Variants in COMMD1 observed in about 807,000 individuals in gnomAD.
COMMD1 encodes the protein COMM domain-containing protein 1.
In COMMD1, 10 loss-of-function variants were observed where a neutral mutation model predicts 17.2. That is an observed-to-expected ratio of 0.58 (90% confidence interval 0.36 to 0.99). The LOEUF is 0.99. Ranked by LOEUF, COMMD1 falls within the 50% of genes least tolerant of loss-of-function variation. COMMD1 has a pLI of 0.01. For missense variants in COMMD1, 270 were observed against 231.8 expected (o/e 1.17, Z -1.07); for synonymous variants, 97 against 91.6 (o/e 1.06, Z -0.34).
upstream of COMMD1, among the ~76,000 whole-genome samples, chr2:61,902,335 GTC>G (rs570156484): frequency 2.6e-5 from 4 of 151,616 alleles, no homozygotes; most frequent in South Asian, 4.2e-4. Context: ...GTGAAACCTT[GTC>G]TCTACTAAAA....
intron 2 of COMMD1, among the ~76,000 whole-genome samples, chr2:62,002,472 C>T (rs1379758899): frequency 1.0e-5 from 1 of 99,590 alleles, no homozygotes; most frequent in African/African-American, 3.9e-5. Context: ...GCCTGGGTGA[C>T]AAGAGCGAGA....
intron 2 of COMMD1, among the ~76,000 whole-genome samples, chr2:62,020,597 T>G (rs1669584280): frequency 6.6e-6 from 1 of 152,254 alleles, no homozygotes; most frequent in Non-Finnish European, 1.5e-5. Flanking sequence ...TGTTAATATT[T>G]GGGCTCACTT....
At chr2:61,944,191 C>T (rs1558530554) in intron 1 of COMMD1, among the ~76,000 whole-genome samples, 1 of 152,128 alleles carries the variant, frequency 6.6e-6, no homozygotes, top group South Asian at 2.1e-4. Flanking sequence ...GTGGCTTATG[C>T]CTATAATCCT....
At chr2:62,048,119 T>C (rs975974419) in intron 2 of COMMD1, among the ~76,000 whole-genome samples, 1 of 151,962 alleles carries the variant, frequency 6.6e-6, no homozygotes, top group Non-Finnish European at 1.5e-5. Context: ...CCATCCAAGC[T>C]GCCCAGTTGA....
intron 1 of COMMD1, among the ~76,000 whole-genome samples, chr2:61,983,144 C>CT (rs1242627518): frequency 6.6e-6 from 1 of 150,662 alleles, no homozygotes; most frequent in Non-Finnish European, 1.5e-5. Context: ...CAGCAAAGCC[C>CT]TGAGGTCCTG....
chr2:62,030,261 G>T (rs1169146576), intron 2 of COMMD1, among the ~76,000 whole-genome samples: 1 of 152,150 alleles, frequency 6.6e-6, no homozygotes, highest in Non-Finnish European at 1.5e-5. Flanking sequence ...CTTTCTGGTT[G>T]GTTTTTGAGG....
chr2:62,025,612 A>G (rs1271318063), intron 2 of COMMD1, among the ~76,000 whole-genome samples: 2 of 152,224 alleles, frequency 1.3e-5, no homozygotes, highest in African/African-American at 4.8e-5. Flanking sequence ...TAATAAAAAA[A>G]TACTAATGTC....
intron 1 of COMMD1, among the ~76,000 whole-genome samples, chr2:61,986,927 A>G (rs1558549690): frequency 1.3e-5 from 2 of 152,004 alleles, no homozygotes; most frequent in South Asian, 2.1e-4. Flanking sequence ...CTTCAAGCTC[A>G]CTAATTCTTT....
chr2:61,985,014 A>C (rs1285291338), intron 1 of COMMD1, among the ~76,000 whole-genome samples: 2 of 138,040 alleles, frequency 1.4e-5, no homozygotes, highest in South Asian at 2.3e-4. Flanking sequence ...ATCTTTTCCT[A>C]TTCCTTTATT....
chr2:62,096,282 G>A (rs1194990561), intron 2 of COMMD1, among the ~76,000 whole-genome samples: 1 of 152,156 alleles, frequency 6.6e-6, no homozygotes, highest in African/African-American at 2.4e-5. Context: ...AAAACTAAGA[G>A]GGAAGAGAAA....
chr2:61,898,667 TA>T (rs1227726179), intron 1 of COMMD1, among the ~76,000 whole-genome samples: 3 of 152,060 alleles, frequency 2.0e-5, no homozygotes, highest in Non-Finnish European at 2.9e-5. Flanking sequence ...AAAACCTCAT[TA>T]AAAAAACACC....
At chr2:62,076,500 A>G (rs1671339773) in intron 2 of COMMD1, among the ~76,000 whole-genome samples, 1 of 152,246 alleles carries the variant, frequency 6.6e-6, no homozygotes. Flanking sequence ...TAATCCCAAC[A>G]CTTTAGGAGG....
intron 1 of COMMD1, among the ~76,000 whole-genome samples, chr2:61,897,755 AAAAT>A (rs1669579859): frequency 6.6e-6 from 1 of 152,156 alleles, no homozygotes; most frequent in African/African-American, 2.4e-5. Context: ...GTCTTTAAAA[AAAAT>A]ATATATATAT....
intron 2 of COMMD1, among the ~76,000 whole-genome samples, chr2:62,079,558 G>T (rs1671458857): frequency 6.6e-6 from 1 of 152,244 alleles, no homozygotes; most frequent in African/African-American, 2.4e-5. Flanking sequence ...CATTTTCCTT[G>T]CCCTCACTCA....
chr2:62,070,547 C>G (rs938751542), intron 2 of COMMD1, among the ~76,000 whole-genome samples: 3 of 35,804 alleles, frequency 8.4e-5, no homozygotes, highest in Non-Finnish European at 1.3e-4. Flanking sequence ...GACCCTGTCT[C>G]TAAAAAAAAA....
intron 1 of COMMD1, among the ~76,000 whole-genome samples, chr2:61,983,390 C>T (rs192075952): frequency 5.5e-4 from 83 of 152,128 alleles, no homozygotes; most frequent in African/African-American, 1.9e-3. Context: ...TGGGGTTTAC[C>T]GTGTTAGCCA....
chr2:61,940,831 C>A (rs13418080), intron 1 of COMMD1, among the ~76,000 whole-genome samples: 17,383 of 151,300 alleles, frequency 0.11, 2,362 homozygotes, highest in African/African-American at 0.33. Flanking sequence ...GGACTACAGG[C>A]GCCTGCCACC....
intron 2 of COMMD1, among the ~76,000 whole-genome samples, chr2:62,096,871 C>G (rs1369515329): frequency 6.6e-6 from 1 of 152,224 alleles, no homozygotes; most frequent in Non-Finnish European, 1.5e-5. Context: ...AACAATAAAT[C>G]ACATACTGAA....
At chr2:61,986,744 T>C (rs1672115753) in intron 1 of COMMD1, among the ~76,000 whole-genome samples, 1 of 151,786 alleles carries the variant, frequency 6.6e-6, no homozygotes, top group African/African-American at 2.4e-5. Flanking sequence ...AATTTTTGTA[T>C]TTTTATTAGA....
Sources: allele counts gnomAD v4.1 joint callset (sites outside exome capture counted in the v4.1 genomes callset), GRCh38; gene constraint gnomAD v4.1.1; transcripts MANE v1.5; gene names NCBI Gene and HGNC (gene_info 2026-07-23, HGNC 2026-07-21).